ERI3: variants seen among roughly 807,000 people sequenced by gnomAD.
ERI3 encodes ERI1 exoribonuclease 3.
In ERI3, 18 loss-of-function variants were observed where a neutral mutation model predicts 44.4. The observed-to-expected ratio is 0.41, with a 90% CI of 0.28 to 0.60. The LOEUF (loss-of-function observed/expected upper bound fraction) is 0.60. ERI3 is among the 20% of genes least tolerant of loss of function. The probability of loss-of-function intolerance (pLI) is 0.36; values close to 1 mark genes in which losing one functional copy is unlikely to be tolerated. For missense variants in ERI3, 294 were observed against 435.5 expected (o/e 0.68, Z 2.89); for synonymous variants, 183 against 164.8 (o/e 1.11, Z -0.84).
chr1:44,316,124 C>A (rs1646083469), intron 4 of ERI3, among the ~76,000 whole-genome samples: 1 of 152,052 alleles, frequency 6.6e-6, no homozygotes. Flanking sequence ...TATCTTAGGC[C>A]TAACTTAAAT....
intron 2 of ERI3, among the ~76,000 whole-genome samples, chr1:44,340,257 A>C (rs916503165): frequency 3.9e-5 from 6 of 152,214 alleles, no homozygotes; most frequent in Admixed American, 1.3e-4. Flanking sequence ...TCAAAGCCTA[A>C]GTTTTACTCA....
At chr1:44,295,998 T>G (rs976987463) in intron 6 of ERI3, among the ~76,000 whole-genome samples, 3 of 152,158 alleles carry the variant, frequency 2.0e-5, no homozygotes, top group Non-Finnish European at 4.4e-5. Flanking sequence ...TGCGTGGGCC[T>G]CCTTCTCCAG....
At chr1:44,296,443 ACAGT>A (rs1352115444) in intron 6 of ERI3, among the ~76,000 whole-genome samples, 1 of 152,188 alleles carries the variant, frequency 6.6e-6, no homozygotes, top group Non-Finnish European at 1.5e-5. Flanking sequence ...TACAGTCCTG[ACAGT>A]CAGAGCAATC....
chr1:44,221,330 A>AT lies in ERI3; in HGVS notation c.*227dup. 1.8e-6 allele frequency: 1 copy of AT among 554,140 alleles called. No individual in the cohort carries two copies. The allele number at this position is 554,140 out of a possible 1,614,324, so 34.3% of individuals were successfully genotyped here. A position where few individuals can be genotyped will look rare whatever the true frequency, so the allele number is the denominator to read the frequency against. ...TGGGAGGGGCTGATACTGGGCTGAG[A>AT]TTGAGGGGTGGGGATGGGGGGCACA... is the stretch of plus-strand genomic sequence containing the variant. On this transcript the variant is annotated 3_prime_UTR_variant, in exon 9 of 9. Transcript: ENST00000372257. This position sits in a 1 kb window ranked among gnomAD's most constrained non-coding sequence, Gnocchi z 5.9.
intron 7 of ERI3, among the ~76,000 whole-genome samples, chr1:44,264,581 G>C (rs762333858): frequency 3.9e-5 from 6 of 152,172 alleles, no homozygotes; most frequent in Non-Finnish European, 8.8e-5. Flanking sequence ...CTCCGGGTGG[G>C]GTCTCCTCCC....
In ERI3 at chr1:44,274,759, C is replaced by G. The variant is rs565535540; in HGVS notation, c.831+10076G>C. Among the ~76,000 whole-genome samples the G allele has an allele frequency of 3.9e-4, 59 of 152,274 alleles. No individual in the cohort carries two copies. In the East Asian group the frequency reaches 0.011, roughly 28 times the overall value. On this transcript the variant is annotated intron_variant, in intron 7 of 8. Coordinates refer to ENST00000372257, the MANE Select transcript of ERI3 (RefSeq NM_024066.3). ...GTAGCCTCCAGCTCCCAAGACTGTT[C>G]CCTCCCAGGGTTCCAGCATCAAACC...
chr1:44,313,021 C>A (rs1646007044), intron 5 of ERI3, 148 bp downstream of exon 5: 3 of 745,568 alleles, frequency 4.0e-6, no homozygotes, highest in Admixed American at 2.1e-5. Flanking sequence ...TCAATACTCT[C>A]AACAGCATGT....
chr1:44,274,647 C>G (rs1645147035), intron 7 of ERI3, among the ~76,000 whole-genome samples: 1 of 152,156 alleles, frequency 6.6e-6, no homozygotes, highest in African/African-American at 2.4e-5. Flanking sequence ...ACCCCAACAG[C>G]AGATGTTGCA....
chr1:44,265,445 C>T (rs1270812334), intron 7 of ERI3, among the ~76,000 whole-genome samples: 1 of 152,240 alleles, frequency 6.6e-6, no homozygotes, highest in Non-Finnish European at 1.5e-5. Flanking sequence ...CTGACATTTA[C>T]TGAGTACTAT....
chr1:44,315,969 T>C (rs1369902353), intron 4 of ERI3, among the ~76,000 whole-genome samples: 2 of 143,986 alleles, frequency 1.4e-5, no homozygotes, highest in Admixed American at 7.2e-5. Context: ...TTATGCAACA[T>C]AGAGAGACCC....
intron 3 of ERI3, among the ~76,000 whole-genome samples, chr1:44,331,346 A>T (rs1435426510): frequency 6.6e-6 from 1 of 151,188 alleles, no homozygotes; most frequent in Non-Finnish European, 1.5e-5. Context: ...GGGAGGCGTC[A>T]TGTCATTCCC....
At chr1:44,297,898 C>A (rs1259954363) in intron 6 of ERI3, among the ~76,000 whole-genome samples, 1 of 152,178 alleles carries the variant, frequency 6.6e-6, no homozygotes, top group Non-Finnish European at 1.5e-5. Flanking sequence ...CCTTTCACTG[C>A]CAAGCAGCAG....
intron 2 of ERI3, among the ~76,000 whole-genome samples, chr1:44,350,976 T>G (rs1646878208): frequency 6.6e-6 from 1 of 152,128 alleles, no homozygotes; most frequent in Admixed American, 6.5e-5. Flanking sequence ...TGACTAGTCC[T>G]GCTGCTTCCA....
intron 1 of ERI3, chr1:44,353,742 T>C (rs908600095): frequency 1.0e-6 from 1 of 985,336 alleles, no homozygotes; most frequent in Admixed American, 6.1e-5. Flanking sequence ...TAGCTGATTA[T>C]TTACAGGATC....
chr1:44,338,798 G>A (rs1557863944), intron 3 of ERI3, among the ~76,000 whole-genome samples: 1 of 152,094 alleles, frequency 6.6e-6, no homozygotes, highest in African/African-American at 2.4e-5. Flanking sequence ...ACGGGAGAAG[G>A]AAATATTTTG....
chr1:44,301,259 A>C (rs1257412926), intron 6 of ERI3, among the ~76,000 whole-genome samples: 1 of 152,094 alleles, frequency 6.6e-6, no homozygotes, highest in African/African-American at 2.4e-5. Flanking sequence ...TACAACTCTA[A>C]GGCCCAGAAT....
chr1:44,334,013 C>T (rs1646482319), intron 3 of ERI3, among the ~76,000 whole-genome samples: 1 of 152,210 alleles, frequency 6.6e-6, no homozygotes, highest in African/African-American at 2.4e-5. Context: ...AAGTTATGGG[C>T]ACTTGAATAC....
rs150169216 is a variant in ERI3 at position 44,278,375 on chromosome 1, G to A, written c.831+6460C>T. ...ACCTGCAGTCCCAGCTACTTGGCAGGCTGAGGCACAAGAATCACTTGAACC... is the reference window on the plus strand; with the variant it reads ...ACCTGCAGTCCCAGCTACTTGGCAGACTGAGGCACAAGAATCACTTGAACC... On this transcript the variant is annotated intron_variant, in intron 7 of 8. Transcript: ENST00000372257. Among the ~76,000 whole-genome samples, 1,434 of 151,844 alleles carry A rather than the reference G, an allele frequency of 9.4e-3. 28 individuals are homozygous for A. Among genetic ancestry groups the A allele is most frequent in the African/African-American group, 0.033 (1,366 of 41,376 alleles).
At chr1:44,256,471 T>C (rs935574556) in intron 7 of ERI3, among the ~76,000 whole-genome samples, 1 of 152,146 alleles carries the variant, frequency 6.6e-6, no homozygotes, top group African/African-American at 2.4e-5. Flanking sequence ...CACAAGCCCA[T>C]CCTCCCTAAC....
Sources: gnomAD v4.1 joint callset for allele counts (sites outside exome capture counted in the v4.1 genomes callset) on GRCh38, gnomAD v4.1.1 for gene constraint, Gnocchi (gnomAD v3.1) non-coding constraint, MANE v1.5 for transcripts, NCBI Gene and HGNC (gene_info 2026-07-23, HGNC 2026-07-21) for gene names.